FBN2: variants seen among roughly 807,000 people sequenced by gnomAD.
FBN2 encodes fibrillin-2.
Under a neutral mutation model 355.6 loss-of-function variants are expected in FBN2, and 105 were observed. That is an observed-to-expected ratio of 0.30 (90% CI 0.25 to 0.35). The LOEUF is 0.35. FBN2 is among the 10% of genes least tolerant of loss of function. The pLI is 1.00. For missense variants in FBN2, 3,280 were observed against 3,758.7 expected (o/e 0.87, Z 3.33); for synonymous variants, 1,350 against 1,301.2 (o/e 1.04, Z -0.81).
At position 128,416,150 on chromosome 5, in the gene FBN2, C is replaced by T. The variant is rs546480059; in HGVS notation, c.953-7351G>A. Reference sequence around the variant, plus strand: ...AAGCAATTCTCCTGCTTCGGCCTCCCAAGTAGCTAGGATTACAGGCATGTA... The same window carrying T: ...AAGCAATTCTCCTGCTTCGGCCTCCTAAGTAGCTAGGATTACAGGCATGTA... On this transcript the variant is annotated intron_variant, in intron 7 of 64. Transcript: ENST00000262464. 2.6e-5 allele frequency among the ~76,000 whole-genome samples: 4 copies of T among 152,146 alleles called. No individual in the cohort carries two copies. In the East Asian group the frequency reaches 7.8e-4, roughly 29 times the overall value.
At chr5:128,482,350 G>A (rs144063378) in intron 5 of FBN2, among the ~76,000 whole-genome samples, 40 of 152,210 alleles carry the variant, frequency 2.6e-4, no homozygotes, top group South Asian at 4.2e-4. Context: ...CTAGCTAGCT[G>A]TTGTTTACTG....
At chr5:128,530,892 G>A (rs931851535) in intron 2 of FBN2, among the ~76,000 whole-genome samples, 199 bp from the exon 3 acceptor site, 1 of 152,098 alleles carries the variant, frequency 6.6e-6, no homozygotes, top group African/African-American at 2.4e-5. Flanking sequence ...TTATGAAAAC[G>A]TGTAAACAAA....
At chr5:128,433,164 G>A (rs1416275436) in intron 7 of FBN2, among the ~76,000 whole-genome samples, 1 of 152,060 alleles carries the variant, frequency 6.6e-6, no homozygotes, top group Non-Finnish European at 1.5e-5. Flanking sequence ...GATGTTAGGG[G>A]TTTGCTCCAA....
intron 26 of FBN2, among the ~76,000 whole-genome samples, chr5:128,338,351 C>T (rs757568496): frequency 2.0e-5 from 3 of 152,176 alleles, no homozygotes; most frequent in Non-Finnish European, 4.4e-5. Context: ...TGCATGAAAT[C>T]AGCAGGCTCA....
chr5:128,365,001 C>A lies in FBN2; in HGVS notation c.2303-276G>T, dbSNP rs552850. On this transcript the variant is annotated intron_variant, in intron 17 of 64. Coordinates refer to ENST00000262464, the MANE Select transcript of FBN2 (RefSeq NM_001999.4). Reference sequence around the variant, plus strand: ...CGAAATATGCCAGCATTTATGATGACATTAATAAAGACAATTTATAGGCTG... The same window carrying A: ...CGAAATATGCCAGCATTTATGATGAAATTAATAAAGACAATTTATAGGCTG... 0.6 allele frequency among the ~76,000 whole-genome samples: 90,616 copies of A among 151,960 alleles called. 29,700 individuals are homozygous for A. Among genetic ancestry groups the A allele is most frequent in the Middle Eastern group, 0.81 (237 of 294 alleles).
intron 5 of FBN2, among the ~76,000 whole-genome samples, chr5:128,511,653 T>C (rs185491813): frequency 1.9e-3 from 293 of 152,100 alleles, no homozygotes; most frequent in African/African-American, 6.8e-3. Flanking sequence ...CACAACACAA[T>C]GAAAAGAGCT....
intron 7 of FBN2, among the ~76,000 whole-genome samples, chr5:128,409,990 T>C (rs1753022845): frequency 6.6e-6 from 1 of 152,206 alleles, no homozygotes; most frequent in Admixed American, 6.5e-5. Flanking sequence ...CTACAAGCTT[T>C]ATCATGAAAT....
chr5:128,525,568 G>A lies in FBN2; in HGVS notation c.532+2304C>T, dbSNP rs185222612. On this transcript the variant is annotated intron_variant, in intron 4 of 64. Coordinates refer to ENST00000262464, the MANE Select transcript of FBN2 (RefSeq NM_001999.4). ...GCCTCCCCTGGCCAACCCTAGCCTA[G>A]AGAATTTAACACATTGGCCCCTCCT... 1.8e-4 allele frequency among the ~76,000 whole-genome samples: 28 copies of A among 152,236 alleles called. No homozygotes were observed. The East Asian group carries it at 5.0e-3, about 27-fold the overall frequency.
rs1302599072 is a variant in FBN2, at chr5:128,369,268, C to G, written c.2162G>C (p.Gly721Ala). 6.2e-7 allele frequency: 1 copy of G among 1,614,036 alleles called. No homozygotes were observed. Among genetic ancestry groups the G allele is most frequent in the Non-Finnish European group, 8.5e-7 (1 of 1,179,986 alleles). ...GCAGCATTCGGACTTGGTCACTGCA[C>G]CGGGGAAAGGACGCACACACACTCC... Reference protein sequence around the residue: ...KKGVCVRPFPGAVTKSECCCA... With the variant: ...KKGVCVRPFPAAVTKSECCCA... Residue 721 changes from glycine to alanine, a missense_variant, in exon 16 of 65, where the codon GGT becomes GCT. Gly to Ala is a moderately conservative substitution (Grantham distance 60). Around this residue, in one of 6 missense-constraint regions of FBN2, gnomAD observed 2,284 missense variants for 2,749.5 expected, o/e 0.83. Transcript: ENST00000262464.
rs772923075 is a variant in FBN2 at position 128,464,869 on chromosome 5, C to A, written c.681G>T (p.Gly227=). The A allele has an allele frequency of 6.2e-7, 1 of 1,614,112 alleles. No homozygotes were observed. The highest frequency in any genetic ancestry group is 8.5e-7 in the Non-Finnish European group (1 of 1,180,052). Residue 227 remains glycine, a synonymous_variant, in exon 6 of 65, where the codon GGG becomes GGT. Transcript: ENST00000262464. ...TCGTGCAGACAATGCCTGTCAGCTGCCCTTGGCACATCTGGTTGTTGACCT... is the reference window on the plus strand; with the variant it reads ...TCGTGCAGACAATGCCTGTCAGCTGACCTTGGCACATCTGGTTGTTGACCT... ...FTQVNNQMCQ[G]QLTGIVCTKT... is the part of the protein sequence containing the mutation.
At chr5:128,350,155 C>T in intron 21 of FBN2, 150 bp from the exon 22 acceptor site, 1 of 704,780 alleles carries the variant, frequency 1.4e-6, no homozygotes, top group Middle Eastern at 3.4e-4. Flanking sequence ...GTCCCCTCTT[C>T]ATTCAGTAGG....
chr5:128,350,067 C>A, intron 21 of FBN2, 62 bp from the exon 22 acceptor site: 1 of 1,324,216 alleles, frequency 7.6e-7, no homozygotes, highest in South Asian at 1.2e-5. Flanking sequence ...ATGGTATGCT[C>A]AAGAAGAAGT....
chr5:128,427,361 T>TA (rs36066524), intron 7 of FBN2, among the ~76,000 whole-genome samples: 14,325 of 152,166 alleles, frequency 0.094, 753 homozygotes, highest in Non-Finnish European at 0.13. Flanking sequence ...TTGTTCTCTA[T>TA]AGAAACTAAA....
intron 45 of FBN2, among the ~76,000 whole-genome samples, 196 bp from the exon 46 acceptor site, chr5:128,303,285 GA>G (rs973242918): frequency 5.3e-5 from 8 of 152,122 alleles, no homozygotes; most frequent in Non-Finnish European, 1.2e-4. Context: ...AAAATTCTAA[GA>G]AAATAGTACA....
intron 11 of FBN2, among the ~76,000 whole-genome samples, chr5:128,388,982 G>GT (rs1477816057): frequency 2.0e-5 from 3 of 152,272 alleles, no homozygotes; most frequent in Middle Eastern, 3.4e-3. Context: ...CCAATGAGTT[G>GT]TAAGTTTGGT....
At chr5:128,443,099 T>C (rs1753966723) in intron 7 of FBN2, among the ~76,000 whole-genome samples, 1 of 152,216 alleles carries the variant, frequency 6.6e-6, no homozygotes, top group African/African-American at 2.4e-5. Context: ...TTTCTTTCTT[T>C]TAGCTAAAAA....
chr5:128,263,396 C>G, intron 63 of FBN2, 29 bp downstream of exon 63: 1 of 1,533,316 alleles, frequency 6.5e-7, no homozygotes, highest in Non-Finnish European at 9.0e-7. Flanking sequence ...ATGTATTCCT[C>G]TATGTGCTGA....
chr5:128,481,036 T>A (rs1755170526), intron 5 of FBN2, among the ~76,000 whole-genome samples: 1 of 152,154 alleles, frequency 6.6e-6, no homozygotes, highest in Non-Finnish European at 1.5e-5. Context: ...ACGGAGTTAT[T>A]TTCTCTATTA....
rs563781428 is a variant in FBN2 at position 128,319,483 on chromosome 5, GTTAA to G, written c.4472-486_4472-483del. On this transcript the variant is annotated intron_variant, in intron 34 of 64. Transcript: ENST00000262464. ...TAAAATTAACTTTTTAGTTAATTTA[GTTAA>G]TTAAATAAATTTAGTTAATTTAGTT... Among the ~76,000 whole-genome samples the G allele has an allele frequency of 1.5e-4, 23 of 151,048 alleles. No homozygotes were observed. The South Asian group carries it at 4.4e-3, about 29-fold the overall frequency.
Sources: allele counts gnomAD v4.1 joint callset (sites outside exome capture counted in the v4.1 genomes callset), GRCh38; gene constraint gnomAD v4.1.1; regional missense constraint gnomAD v4.1.1; transcripts MANE v1.5; gene names NCBI Gene and HGNC (gene_info 2026-07-23, HGNC 2026-07-21).